Variants in H2BC18 observed in about 807,000 individuals in gnomAD.
H2BC18 encodes the protein histone H2B type 2-F.
In H2BC18, 8 loss-of-function variants were observed where a neutral mutation model predicts 6.3. That is an observed-to-expected ratio of 1.28 (90% CI 0.75 to 2.31). The LOEUF is 2.31. Ranked by LOEUF, H2BC18 falls within the 30% of genes most tolerant of loss-of-function variation. H2BC18 has a pLI of 0.00. For missense variants in H2BC18, 106 were observed against 174.5 expected, an observed-to-expected ratio of 0.61 and a Z score of 2.21; for synonymous variants, 104 against 78.1, an observed-to-expected ratio of 1.33 and a Z score of -1.75.
rs1168476899 is a variant in H2BC18 at position 149,812,165 on chromosome 1, G to A, written c.159C>T (p.Thr53=). The change falls in exon 1 of 1, where the codon ACC becomes ACT. Residue 53 remains threonine (T), a synonymous_variant. Coordinates refer to ENST00000369167, the MANE Select transcript of H2BC18 (RefSeq NM_001024599.5). ...TGCCCATGGCCTTGGACGAGATGCC[G>A]GTGTCGGGGTGGACCTGCTTCAGCA... ...YKVLKQVHPD[T]GISSKAMGIM... 1.2e-6 allele frequency: 2 copies of A among 1,614,276 alleles called. No homozygotes were observed. The highest frequency in any genetic ancestry group is 2.2e-5 in the East Asian group (1 of 44,892).
chr1:149,793,009 C>T (rs1553752294), intron 1 of H2BC18: 3 of 1,267,886 alleles, frequency 2.4e-6, no homozygotes, highest in Non-Finnish European at 3.1e-6. Flanking sequence ...AGCTGAGTCC[C>T]TCCAACCCCG....
At chr1:149,810,483 A>G (rs587625689), downstream of H2BC18, 3 of 152,298 alleles carry the variant, frequency 2.0e-5, no homozygotes, top group East Asian at 5.8e-4. Flanking sequence ...CATTTTAAGC[A>G]CAAAGTTGTT....
intron 1 of H2BC18, among the ~76,000 whole-genome samples, chr1:149,800,168 A>T (rs1553753166): frequency 6.6e-6 from 1 of 152,152 alleles, no homozygotes; most frequent in Admixed American, 6.5e-5. Flanking sequence ...TATAACAAAA[A>T]ATACAGATGA....
At chr1:149,788,964 C>A (rs1278750617) in intron 1 of H2BC18, among the ~76,000 whole-genome samples, 1 of 151,852 alleles carries the variant, frequency 6.6e-6, no homozygotes, top group Non-Finnish European at 1.5e-5. Context: ...ACCATGGAAT[C>A]TCATGGAAGC....
rs2091898588 is a variant in H2BC18, at chr1:149,804,295, C to T, written c.377+7652G>A. 2.0e-5 allele frequency among the ~76,000 whole-genome samples: 3 copies of T among 152,118 alleles called. No homozygotes were observed. The South Asian group carries it at 6.2e-4, about 32-fold the overall frequency. On this transcript the variant is annotated intron_variant, in intron 1 of 1. Transcript: ENST00000545683. ...ATCTGATAGAAAAAGAAGGTACTTG[C>T]CAAATGTTATATCGGCCTTTATAGA...
At chr1:149,793,275 A>G in intron 1 of H2BC18, 1 of 1,217,590 alleles carries the variant, frequency 8.2e-7, no homozygotes, top group Non-Finnish European at 1.0e-6. Flanking sequence ...GGGGAGTGGG[A>G]GAGGCCGCCC....
At chr1:149,786,031 G>A (rs1256493351) in intron 1 of H2BC18, 1 of 151,878 alleles carries the variant, frequency 6.6e-6, no homozygotes, top group African/African-American at 2.4e-5. Context: ...TGAGGGGCTC[G>A]GGTTGCTTCT....
intron 1 of H2BC18, among the ~76,000 whole-genome samples, chr1:149,793,629 C>T (rs1553752482): frequency 6.6e-6 from 1 of 151,756 alleles, no homozygotes; most frequent in Non-Finnish European, 1.5e-5. Context: ...TTGGGCCCAT[C>T]CTTCAATCCG....
exon 2 of H2BC18, chr1:149,782,693 C>T (rs1187309689): frequency 6.8e-7 from 1 of 1,475,016 alleles, no homozygotes; most frequent in Admixed American, 1.8e-5. Flanking sequence ...AGAACCTCTT[C>T]AATATCTTGC....
At chr1:149,799,412 T>C (rs587716966) in intron 1 of H2BC18, among the ~76,000 whole-genome samples, 1 of 152,368 alleles carries the variant, frequency 6.6e-6, no homozygotes, top group Non-Finnish European at 1.5e-5. Context: ...CTTCTCATCA[T>C]GTATGCTCAG....
At chr1:149,810,223 C>G (rs2091958486), downstream of H2BC18, among the ~76,000 whole-genome samples, 1 of 151,782 alleles carries the variant, frequency 6.6e-6, no homozygotes, top group Middle Eastern at 3.2e-3. Flanking sequence ...GAAAATAGAC[C>G]ACCTCGGCCG....
downstream of H2BC18, among the ~76,000 whole-genome samples, chr1:149,806,971 G>C (rs1225195122): frequency 6.6e-6 from 1 of 152,044 alleles, no homozygotes; most frequent in African/African-American, 2.4e-5. Context: ...GATATGATCT[G>C]ACTTATGTTT....
intron 1 of H2BC18, among the ~76,000 whole-genome samples, chr1:149,796,113 CTTG>C (rs2091797510): frequency 6.7e-6 from 1 of 150,146 alleles, no homozygotes; most frequent in African/African-American, 2.5e-5. Context: ...TTCTCCACTT[CTTG>C]TTTTTTCTAA....
chr1:149,800,143 T>C (rs1205670550), intron 1 of H2BC18, among the ~76,000 whole-genome samples: 1 of 152,054 alleles, frequency 6.6e-6, no homozygotes, highest in Non-Finnish European at 1.5e-5. Context: ...AGAGAAACAC[T>C]TGGGTTTACT....
intron 1 of H2BC18, among the ~76,000 whole-genome samples, chr1:149,799,876 C>A (rs587756964): frequency 6.6e-6 from 1 of 152,284 alleles, no homozygotes; most frequent in African/African-American, 2.4e-5. Context: ...AGACTGACGG[C>A]GGAGGGGGGT....
At chr1:149,789,141 A>G (rs2102052127) in intron 1 of H2BC18, among the ~76,000 whole-genome samples, 1 of 151,514 alleles carries the variant, frequency 6.6e-6, no homozygotes, top group South Asian at 2.1e-4. Context: ...CTCTTAATAC[A>G]ATCACTAGCA....
At chr1:149,797,748 C>T (rs1424998126) in intron 1 of H2BC18, among the ~76,000 whole-genome samples, 1 of 152,158 alleles carries the variant, frequency 6.6e-6, no homozygotes, top group African/African-American at 2.4e-5. Context: ...TAGGCGTGCA[C>T]CACGACATCC....
chr1:149,789,511 T>C (rs1465670109), intron 1 of H2BC18, among the ~76,000 whole-genome samples: 1 of 152,198 alleles, frequency 6.6e-6, no homozygotes. Context: ...ACTGACCAGA[T>C]GACACGGTCA....
chr1:149,812,078 C>T lies in H2BC18; in HGVS notation c.246G>A (p.Ala82=), dbSNP rs368206816. Residue 82 remains alanine, a synonymous_variant, in exon 1 of 1, where the codon GCG becomes GCA. Coordinates refer to ENST00000369167, the MANE Select transcript of H2BC18 (RefSeq NM_001024599.5). ...TGATGGTGGAGCGCTTGTTGTAGTGCGCCAGGCGGGACGCCTCTCCCGCGA... is the reference window on the plus strand; with the variant it reads ...TGATGGTGGAGCGCTTGTTGTAGTGTGCCAGGCGGGACGCCTCTCCCGCGA... ...ERIAGEASRL[A]HYNKRSTITS... The T allele has an allele frequency of 8.1e-6, 13 of 1,614,134 alleles. No homozygotes were observed. In the South Asian group the frequency reaches 9.9e-5, roughly 12 times the overall value.
Sources: allele counts gnomAD v4.1 joint callset (sites outside exome capture counted in the v4.1 genomes callset), GRCh38; gene constraint gnomAD v4.1.1; transcripts MANE v1.5; gene names NCBI Gene and HGNC (gene_info 2026-07-23, HGNC 2026-07-21).